Variants in BACH1 observed in about 807,000 individuals in gnomAD.
BACH1 encodes BTB domain and CNC homolog 1.
BACH1 carries 35 observed loss-of-function variants against 52.9 expected under a neutral mutation model. That is an observed-to-expected ratio of 0.66 (90% CI 0.51 to 0.88). The LOEUF (loss-of-function observed/expected upper bound fraction) is 0.88. Ranked by LOEUF, BACH1 falls within the 40% of genes least tolerant of loss-of-function variation. The probability of loss-of-function intolerance (pLI) is 0.00; values close to 1 mark genes in which losing one functional copy is unlikely to be tolerated. For missense variants in BACH1, 808 were observed against 872.6 expected, an observed-to-expected ratio of 0.93 and a Z score of 0.93; for synonymous variants, 321 against 319.6, an observed-to-expected ratio of 1.00 and a Z score of -0.05.
chr21:29,355,681 A>T (rs1028037200), intron 2 of BACH1, among the ~76,000 whole-genome samples: 3 of 152,236 alleles, frequency 2.0e-5, no homozygotes, highest in African/African-American at 7.2e-5. Context: ...TCGTAAGACC[A>T]TCTGTAGCTT....
intron 1 of BACH1, among the ~76,000 whole-genome samples, chr21:29,304,713 C>T (rs2088636894): frequency 6.6e-6 from 1 of 152,016 alleles, no homozygotes; most frequent in Non-Finnish European, 1.5e-5. Context: ...CTCCAGGACC[C>T]TAGGGAGGTG....
At chr21:29,322,654 G>T (rs2088862175) in intron 2 of BACH1, among the ~76,000 whole-genome samples, 2 of 152,332 alleles carry the variant, frequency 1.3e-5, no homozygotes, top group African/African-American at 4.8e-5. Flanking sequence ...AGTATGACAG[G>T]TCTATGTGGG....
At chr21:29,302,403 G>C (rs1357482698) in intron 1 of BACH1, among the ~76,000 whole-genome samples, 2 of 152,170 alleles carry the variant, frequency 1.3e-5, no homozygotes, top group African/African-American at 4.8e-5. Context: ...TAACATAACT[G>C]AAGTCTGGGT....
chr21:29,352,463 G>A (rs2089208535), intron 2 of BACH1: 1 of 152,104 alleles, frequency 6.6e-6, no homozygotes, highest in South Asian at 2.1e-4. Context: ...TTTCATGTTG[G>A]GACTTCTGGT....
chr21:29,359,584 C>T (rs1026984670), intron 2 of BACH1: 2 of 151,334 alleles, frequency 1.3e-5, no homozygotes, highest in African/African-American at 4.9e-5. Context: ...TGGGGAAAAC[C>T]GTGAAAGGAA....
At chr21:29,309,592 T>C (rs2088697503) in intron 1 of BACH1, among the ~76,000 whole-genome samples, 2 of 152,374 alleles carry the variant, frequency 1.3e-5, no homozygotes, top group South Asian at 4.1e-4. Context: ...TGTGCTTTTT[T>C]AATTGGAAAT....
chr21:29,352,019 G>C (rs1038042164), intron 2 of BACH1, among the ~76,000 whole-genome samples: 7 of 151,444 alleles, frequency 4.6e-5, no homozygotes, highest in African/African-American at 1.7e-4. Context: ...GGGAGGAATA[G>C]AAAGAACATA....
At chr21:29,360,013 A>G (rs1387742324) in intron 2 of BACH1, among the ~76,000 whole-genome samples, 1 of 152,186 alleles carries the variant, frequency 6.6e-6, no homozygotes, top group African/African-American at 2.4e-5. Context: ...CCTCACATGT[A>G]TTCAGTGAAA....
chr21:29,312,618 CAACAA>C lies in BACH1; in HGVS notation c.-60-8590_-60-8586del, dbSNP rs199974587. On this transcript the variant is annotated intron_variant, in intron 1 of 4. Transcript: ENST00000286800. The stretch of plus-strand genomic sequence containing the variant: ...CGATAATTTTGTTTTTACACAATAG[CAACAA>C]AACAAAACAAAAGAGAAAATGAAGT... Among the ~76,000 whole-genome samples the C allele has an allele frequency of 3.0e-3, 458 of 151,976 alleles. 3 individuals are homozygous for C. Among genetic ancestry groups the C allele is most frequent in the East Asian group, 0.012 (60 of 5,168 alleles).
chr21:29,304,186 C>T lies in BACH1; in HGVS notation c.-61+5233C>T, dbSNP rs375219454. Among the ~76,000 whole-genome samples, 16 of 146,060 alleles carry T rather than the reference C, an allele frequency of 1.1e-4. No individual in the cohort carries two copies. The East Asian group carries it at 1.4e-3, about 13-fold the overall frequency. ...TGTCGCTCAGGCTGGAGTGCAGTGG[C>T]GCGATCTCGGGTCACTGCAACCTCC... On this transcript the variant is annotated intron_variant, in intron 1 of 4. Transcript: ENST00000286800.
chr21:29,325,597 A>G (rs561250036), intron 2 of BACH1, among the ~76,000 whole-genome samples: 121 of 152,344 alleles, frequency 7.9e-4, no homozygotes, highest in Middle Eastern at 3.4e-3. Flanking sequence ...TAACTGCTTT[A>G]CAAATACTGT....
At chr21:29,334,764 A>G (rs1459112246) in intron 4 of BACH1, among the ~76,000 whole-genome samples, 2 of 152,184 alleles carry the variant, frequency 1.3e-5, no homozygotes, top group Non-Finnish European at 2.9e-5. Context: ...GTCCATTATG[A>G]TGGCACAGAA....
At chr21:29,308,230 G>T (rs1010945459) in intron 1 of BACH1, among the ~76,000 whole-genome samples, 2 of 152,186 alleles carry the variant, frequency 1.3e-5, no homozygotes, top group African/African-American at 2.4e-5. Flanking sequence ...CCTCATTTTA[G>T]AAATGATTAT....
chr21:29,300,374 A>C (rs1191724702), intron 1 of BACH1, among the ~76,000 whole-genome samples: 6 of 152,332 alleles, frequency 3.9e-5, no homozygotes, highest in Admixed American at 2.0e-4. Flanking sequence ...AAATACTCTC[A>C]TCACATGCCT....
In BACH1 at chr21:29,342,623, A is replaced by G. The variant is rs996854077; in HGVS notation, c.2001A>G (p.Pro667=). The change falls in exon 5 of 5, where the codon CCA becomes CCG. Residue 667 remains proline (P), a synonymous_variant. Coordinates refer to ENST00000286800, the MANE Select transcript of BACH1 (RefSeq NM_001186.4). ...KSTPDGELAL[P]SIFSLSDRPP... is the part of the protein sequence containing the mutation. Reference sequence around the variant, plus strand: ...CTCCTGATGGTGAACTGGCGTTACCATCAATTTTCAGTTTATCTGACCGGC... The same window carrying G: ...CTCCTGATGGTGAACTGGCGTTACCGTCAATTTTCAGTTTATCTGACCGGC... 6.8e-6 allele frequency: 11 copies of G among 1,614,070 alleles called. No individual in the cohort carries two copies. The highest frequency in any genetic ancestry group is 9.3e-6 in the Non-Finnish European group (11 of 1,180,042).
At chr21:29,312,188 G>T (rs990664140) in intron 1 of BACH1, among the ~76,000 whole-genome samples, 1 of 152,102 alleles carries the variant, frequency 6.6e-6, no homozygotes, top group Non-Finnish European at 1.5e-5. Context: ...CGTGGAAGAG[G>T]CTGAGTTGGG....
Position 29,321,206 on chromosome 21 carries a change from C to G in BACH1, c.-60-15C>G. The G allele has an allele frequency of 8.2e-7, 1 of 1,213,824 alleles. No individual in the cohort carries two copies. The highest frequency in any genetic ancestry group is 1.2e-6 in the Non-Finnish European group (1 of 825,756). 75.2% of individuals were successfully genotyped at this position (1,213,824 alleles called of 1,614,324 possible). A position where few individuals can be genotyped will look rare whatever the true frequency, so the allele number is the denominator to read the frequency against. On this transcript the variant is annotated splice_polypyrimidine_tract_variant and intron_variant, in intron 1 of 4. Coordinates refer to ENST00000286800, the MANE Select transcript of BACH1 (RefSeq NM_001186.4). ...AAGATGTTATTTAAGTGAAATCTTG[C>G]ATGTGTGTTTGCAGGTTGATGATAA...
At position 29,345,492 on chromosome 21, in the gene BACH1, C is replaced by T. The variant is rs954057628; in HGVS notation, c.*2659C>T. The stretch of plus-strand genomic sequence containing the variant: ...TGTTATGTTGAATTCAGTAAAATAA[C>T]ATTACCTTATTTTTTTTCTTATTCA... On this transcript the variant is annotated 3_prime_UTR_variant, in exon 5 of 5. Coordinates refer to ENST00000286800, the MANE Select transcript of BACH1 (RefSeq NM_001186.4). 118 of 152,260 alleles carry T rather than the reference C, an allele frequency of 7.7e-4. 1 individual carries two copies. The highest frequency in any genetic ancestry group is 2.7e-3 in the African/African-American group (113 of 41,562). 9.4% of individuals were successfully genotyped at this position (152,260 alleles called of 1,614,324 possible). A position where few individuals can be genotyped will look rare whatever the true frequency, so the allele number is the denominator to read the frequency against.
intron 2 of BACH1, among the ~76,000 whole-genome samples, chr21:29,325,086 C>T (rs549035174): frequency 3.3e-5 from 5 of 152,194 alleles, no homozygotes; most frequent in African/African-American, 9.6e-5. Context: ...AAAAATTAGC[C>T]GGGCATGGTG....
Sources: allele counts gnomAD v4.1 joint callset (sites outside exome capture counted in the v4.1 genomes callset), GRCh38; gene constraint gnomAD v4.1.1; transcripts MANE v1.5; gene names NCBI Gene and HGNC (gene_info 2026-07-23, HGNC 2026-07-21).